The following AAMDC variants were observed in gnomAD, a reference collection of about 807,000 sequenced individuals.
The protein encoded by AAMDC is mth938 domain-containing protein.
A neutral mutation model predicts 15.5 loss-of-function variants in AAMDC; 16 were observed. The ratio of observed to expected loss-of-function variants is 1.03; its 90% confidence interval spans 0.70 to 1.57. The LOEUF (loss-of-function observed/expected upper bound fraction) is 1.57, where lower values mean the gene tolerates loss of function less well. Among genes scored for constraint, AAMDC ranks in the 40% most tolerant of loss-of-function variants. AAMDC has a pLI of 0.00. For synonymous variants in AAMDC, 51 were observed against 51.6 expected (o/e 0.99, Z 0.05); for missense variants, 141 against 144.9 (o/e 0.97, Z 0.14).
At chr11:77,846,456 C>T (rs1229621286) in intron 2 of AAMDC, among the ~76,000 whole-genome samples, 1 of 152,166 alleles carries the variant, frequency 6.6e-6, no homozygotes, top group Non-Finnish European at 1.5e-5. Flanking sequence ...CCATCGTCTC[C>T]TCAACTTTGG....
intron 2 of AAMDC, among the ~76,000 whole-genome samples, chr11:77,860,748 G>C (rs1450019280): frequency 6.6e-6 from 1 of 152,180 alleles, no homozygotes. Context: ...AGAATTGAGA[G>C]TCAGGATGTA....
chr11:77,825,126 G>A (rs201320749), intron 1 of AAMDC, among the ~76,000 whole-genome samples: 6 of 151,768 alleles, frequency 4.0e-5, no homozygotes, highest in African/African-American at 1.2e-4. Flanking sequence ...GGCTACAGGC[G>A]TCTGCCACCA....
intron 2 of AAMDC, among the ~76,000 whole-genome samples, chr11:77,867,664 A>G (rs375706762): frequency 2.0e-4 from 31 of 152,224 alleles, no homozygotes; most frequent in African/African-American, 7.0e-4. Context: ...GTGCAGAAAC[A>G]TAACAGGTGG....
chr11:77,846,134 A>C (rs1228031320), intron 2 of AAMDC, among the ~76,000 whole-genome samples: 1 of 152,028 alleles, frequency 6.6e-6, no homozygotes, highest in East Asian at 1.9e-4. Flanking sequence ...GTGGTTCTAT[A>C]AAGTCTGTAT....
At chr11:77,885,359 G>T (rs1473064796) in intron 5 of AAMDC, among the ~76,000 whole-genome samples, 5 of 152,076 alleles carry the variant, frequency 3.3e-5, no homozygotes, top group Non-Finnish European at 5.9e-5. Flanking sequence ...TTACAGGCGT[G>T]AGCCACCACA....
At chr11:77,860,444 C>T (rs1950828750) in intron 2 of AAMDC, among the ~76,000 whole-genome samples, 1 of 152,188 alleles carries the variant, frequency 6.6e-6, no homozygotes, top group African/African-American at 2.4e-5. Context: ...AATTTTAGCC[C>T]TAAGTATTTA....
intron 2 of AAMDC, among the ~76,000 whole-genome samples, chr11:77,864,027 A>T (rs1055924577): frequency 6.6e-6 from 1 of 151,308 alleles, no homozygotes; most frequent in African/African-American, 2.4e-5. Flanking sequence ...CCCATGTTTA[A>T]GCGATTCTCC....
chr11:77,877,171 TA>T, downstream of AAMDC: 1 of 627,514 alleles, frequency 1.6e-6, no homozygotes, highest in East Asian at 2.7e-5. Flanking sequence ...TGTCATTTCC[TA>T]ATTGTGTGAC....
At chr11:77,887,678 G>A (rs779196748) in intron 5 of AAMDC, among the ~76,000 whole-genome samples, 7 of 152,028 alleles carry the variant, frequency 4.6e-5, no homozygotes, top group African/African-American at 7.3e-5. Flanking sequence ...AAACCCCATC[G>A]TCTCAGCCCA....
chr11:77,875,772 C>T (rs1294605154), downstream of AAMDC, among the ~76,000 whole-genome samples: 1 of 152,140 alleles, frequency 6.6e-6, no homozygotes, highest in African/African-American at 2.4e-5. Flanking sequence ...GAACAAGGCC[C>T]AGTCCTGAAG....
At chr11:77,847,764 A>C (rs1355431853) in intron 2 of AAMDC, among the ~76,000 whole-genome samples, 1 of 152,230 alleles carries the variant, frequency 6.6e-6, no homozygotes, top group Admixed American at 6.5e-5. Context: ...TGTATTAGTC[A>C]GGGTTCTCCA....
chr11:77,841,310 C>T, intron 1 of AAMDC: 2 of 684,210 alleles, frequency 2.9e-6, no homozygotes, highest in Non-Finnish European at 5.4e-6. Context: ...TAGCACTAAA[C>T]TAAATCTATG....
At chr11:77,845,620 G>C (rs865942155) in intron 2 of AAMDC, among the ~76,000 whole-genome samples, 2 of 152,068 alleles carry the variant, frequency 1.3e-5, no homozygotes, top group Non-Finnish European at 2.9e-5. Context: ...AGTAGAGACA[G>C]GGTTTTACCA....
intron 2 of AAMDC, among the ~76,000 whole-genome samples, chr11:77,865,326 G>T (rs895100647): frequency 1.3e-5 from 2 of 152,210 alleles, no homozygotes; most frequent in Admixed American, 6.5e-5. Context: ...ACTGGTGGTA[G>T]GGTGGGAGAG....
intron 5 of AAMDC, among the ~76,000 whole-genome samples, chr11:77,900,010 G>C (rs1952707500): frequency 6.6e-6 from 1 of 151,940 alleles, no homozygotes; most frequent in African/African-American, 2.4e-5. Flanking sequence ...TTAAAAAACA[G>C]TATAGATGCC....
At chr11:77,882,965 G>A (rs981562381) in intron 5 of AAMDC, among the ~76,000 whole-genome samples, 4 of 151,958 alleles carry the variant, frequency 2.6e-5, no homozygotes, top group Admixed American at 6.6e-5. Context: ...CCAGCTACTC[G>A]GGAGGCTGAG....
chr11:77,885,313 G>A (rs1290603294), intron 5 of AAMDC, among the ~76,000 whole-genome samples: 2 of 151,928 alleles, frequency 1.3e-5, no homozygotes, highest in African/African-American at 4.8e-5. Flanking sequence ...CTGACCTCAG[G>A]TGATCTTCCT....
At chr11:77,828,549 T>C (rs905574684) in intron 1 of AAMDC, among the ~76,000 whole-genome samples, 2 of 151,334 alleles carry the variant, frequency 1.3e-5, no homozygotes, top group African/African-American at 2.4e-5. Flanking sequence ...TGGGCGCCTG[T>C]AGTCCCAGCT....
downstream of AAMDC, chr11:77,903,487 C>G: frequency 6.2e-7 from 1 of 1,606,158 alleles, no homozygotes; most frequent in Non-Finnish European, 8.5e-7. Context: ...TGTCTTGGAC[C>G]AGACAATTAC....
Sources: gnomAD v4.1 joint callset for allele counts (sites outside exome capture counted in the v4.1 genomes callset) on GRCh38, gnomAD v4.1.1 for gene constraint, MANE v1.5 for transcripts, NCBI Gene and HGNC (gene_info 2026-07-23, HGNC 2026-07-21) for gene names.